SSTR4: variants seen among roughly 807,000 people sequenced by gnomAD.
The protein encoded by SSTR4 is somatostatin receptor 4.
For missense variants in SSTR4, 649 were observed against 540.6 expected, an observed-to-expected ratio of 1.20 and a Z score of -1.99; for synonymous variants, 272 against 246.3, an observed-to-expected ratio of 1.10 and a Z score of -0.98.
In SSTR4 at chr20:23,036,356, C is replaced by T. The variant is rs199944012; in HGVS notation, c.873C>T (p.Thr291=). 4 of 1,614,116 alleles carry T rather than the reference C, an allele frequency of 2.5e-6. No individual in the cohort carries two copies. Among genetic ancestry groups the T allele is most frequent in the African/African-American group, 2.7e-5 (2 of 75,032 alleles). ...LNLFVTSLDA[T]VNHVSLILSY... is the part of the protein sequence containing the mutation. ...TCTTCGTGACCAGCCTTGATGCCACCGTCAACCACGTGTCCCTTATCCTTA... is the reference window on the plus strand; with the variant it reads ...TCTTCGTGACCAGCCTTGATGCCACTGTCAACCACGTGTCCCTTATCCTTA... Residue 291 remains threonine, a synonymous_variant, in exon 1 of 1, where the codon ACC becomes ACT. Coordinates refer to ENST00000255008, the MANE Select transcript of SSTR4 (RefSeq NM_001052.4).
Position 23,036,474 on chromosome 20 carries a change from T to C in SSTR4, c.991T>C (p.Cys331Arg). The change falls in exon 1 of 1, where the codon TGC (cysteine) becomes CGC (arginine). Residue 331 changes from cysteine to arginine, a missense_variant. Coordinates refer to ENST00000255008, the MANE Select transcript of SSTR4 (RefSeq NM_001052.4). ...CCAGCGGGTTCTCTGCCTGCGCTGC[T>C]GCCTCCTGGAAGGTGCTGGAGGTGC... ...FFQRVLCLRC[C>R]LLEGAGGAEE... 6.2e-7 allele frequency: 1 copy of C among 1,613,880 alleles called. No individual in the cohort carries two copies. Among genetic ancestry groups the C allele is most frequent in the Non-Finnish European group, 8.5e-7 (1 of 1,179,870 alleles).
At position 23,036,782 on chromosome 20, in the gene SSTR4, C is replaced by A; in HGVS notation, c.*132C>A. Reference sequence around the variant, plus strand: ...CTGTTCCTTCCAGCAGCCCATGTACCTGCCGGAGAGTGTCAGAACTCTTCT... The same window carrying A: ...CTGTTCCTTCCAGCAGCCCATGTACATGCCGGAGAGTGTCAGAACTCTTCT... On this transcript the variant is annotated 3_prime_UTR_variant, in exon 1 of 1. Coordinates refer to ENST00000255008, the MANE Select transcript of SSTR4 (RefSeq NM_001052.4). 9.5e-7 allele frequency: 1 copy of A among 1,054,138 alleles called. No homozygotes were observed. Among genetic ancestry groups the A allele is most frequent in the South Asian group, 1.7e-5 (1 of 58,976 alleles). The allele number at this position is 1,054,138 out of a possible 1,614,324, so 65.3% of individuals were successfully genotyped here.
chr20:23,035,620 G>A lies in SSTR4; in HGVS notation c.137G>A (p.Gly46Asp). 6.5e-7 allele frequency: 1 copy of A among 1,545,196 alleles called. No individual in the cohort carries two copies. Reference sequence around the variant, plus strand: ...GGGCCCGGGGACGCGCGGGCGGCGGGCATGGTCGCTATCCAGTGCATCTAC... The same window carrying A: ...GGGCCCGGGGACGCGCGGGCGGCGGACATGGTCGCTATCCAGTGCATCTAC... ...VAGPGDARAA[G>D]MVAIQCIYAL... The change falls in exon 1 of 1, where the codon GGC becomes GAC. Residue 46 changes from glycine to aspartate, a missense_variant. By Grantham distance (94) the Gly-to-Asp change is moderately conservative. Transcript: ENST00000255008.
At position 23,036,771 on chromosome 20, in the gene SSTR4, A is replaced by G. The variant is rs1451609413; in HGVS notation, c.*121A>G. On this transcript the variant is annotated 3_prime_UTR_variant, in exon 1 of 1. Transcript: ENST00000255008. Reference sequence around the variant, plus strand: ...AGCTCCACCACCTGTTCCTTCCAGCAGCCCATGTACCTGCCGGAGAGTGTC... The same window carrying G: ...AGCTCCACCACCTGTTCCTTCCAGCGGCCCATGTACCTGCCGGAGAGTGTC... 8.6e-7 allele frequency: 1 copy of G among 1,161,858 alleles called. No homozygotes were observed. The highest frequency in any genetic ancestry group is 1.2e-6 in the Non-Finnish European group (1 of 826,900). The allele number at this position is 1,161,858 out of a possible 1,614,324, so 72.0% of individuals were successfully genotyped here. A position where few individuals can be genotyped will look rare whatever the true frequency, so the allele number is the denominator to read the frequency against.
Position 23,035,643 on chromosome 20 carries a change from T to C in SSTR4, c.160T>C (p.Tyr54His). 6.5e-7 allele frequency: 1 copy of C among 1,540,754 alleles called. No homozygotes were observed. The highest frequency in any genetic ancestry group is 8.7e-7 in the Non-Finnish European group (1 of 1,146,094). ...GGGCATGGTCGCTATCCAGTGCATC[T>C]ACGCGCTGGTGTGCCTGGTGGGGCT... Reference protein sequence around the residue: ...AAGMVAIQCIYALVCLVGLVG... With the variant: ...AAGMVAIQCIHALVCLVGLVG... The change falls in exon 1 of 1, where the codon TAC becomes CAC. Residue 54 changes from tyrosine to histidine, a missense_variant. Tyr to His is a moderately conservative substitution (Grantham distance 83). Coordinates refer to ENST00000255008, the MANE Select transcript of SSTR4 (RefSeq NM_001052.4).
rs1464108699 is a variant in SSTR4 at position 23,036,387 on chromosome 20, G to T, written c.904G>T (p.Ala302Ser). ...VNHVSLILSY[A>S]NSCANPILYG... is the part of the protein sequence containing the mutation. ...CCACGTGTCCCTTATCCTTAGCTAT[G>T]CCAACAGCTGCGCCAACCCCATTCT... is the stretch of plus-strand genomic sequence containing the variant. Residue 302 changes from alanine (A) to serine (S), a missense_variant, in exon 1 of 1, where the codon GCC (alanine) becomes TCC (serine). By Grantham distance (99) the Ala-to-Ser change is moderately conservative. Coordinates refer to ENST00000255008, the MANE Select transcript of SSTR4 (RefSeq NM_001052.4). 3.1e-6 allele frequency: 5 copies of T among 1,613,988 alleles called. No individual in the cohort carries two copies. The highest frequency in any genetic ancestry group is 4.2e-6 in the Non-Finnish European group (5 of 1,179,984).
Position 23,035,510 on chromosome 20 carries a change from C to T in SSTR4, c.27C>T (p.Pro9=). The change falls in exon 1 of 1, where the codon CCC becomes CCT. Residue 9 remains proline, a synonymous_variant. Transcript: ENST00000255008. ...TGAGCGCCCCCTCGACGCTGCCCCC[C>T]GGGGGCGAGGAAGGGCTGGGGACGG... The part of the protein sequence containing the change: MSAPSTLP[P]GGEEGLGTAW... The T allele has an allele frequency of 6.4e-7, 1 of 1,565,828 alleles. No individual in the cohort carries two copies. The highest frequency in any genetic ancestry group is 8.6e-7 in the Non-Finnish European group (1 of 1,161,752).
rs946520022 is a variant in SSTR4 at position 23,035,374 on chromosome 20, G to C, written c.-110G>C. The C allele has an allele frequency of 1.2e-5, 10 of 854,394 alleles. No individual in the cohort carries two copies. The African/African-American group carries it at 1.6e-4, about 14-fold the overall frequency. The allele number at this position is 854,394 out of a possible 1,614,324, so 52.9% of individuals were successfully genotyped here. On this transcript the variant is annotated 5_prime_UTR_variant, in exon 1 of 1. Coordinates refer to ENST00000255008, the MANE Select transcript of SSTR4 (RefSeq NM_001052.4). ...GCCCGCAGCTCTTCAGCGTAGCCGG[G>C]AAGAGCCGCGCGTCTGCGCGCCAGC...
Position 23,036,895 on chromosome 20 carries a change from T to G in SSTR4, c.*245T>G. 1 of 470,902 alleles carries G rather than the reference T, an allele frequency of 2.1e-6. No individual in the cohort carries two copies. The highest frequency in any genetic ancestry group is 5.8e-5 in the South Asian group (1 of 17,326). 29.2% of individuals were successfully genotyped at this position (470,902 alleles called of 1,614,324 possible). ...TCTGGAAACTGGGCTAGGATATTAA[T>G]CATTCCTGAACCTCTGGCTGTTCTT... On this transcript the variant is annotated 3_prime_UTR_variant, in exon 1 of 1. Coordinates refer to ENST00000255008, the MANE Select transcript of SSTR4 (RefSeq NM_001052.4).
Position 23,035,362 on chromosome 20 carries a change from C to A in SSTR4, c.-122C>A, listed in dbSNP as rs1984267279. 1 of 790,850 alleles carries A rather than the reference C, an allele frequency of 1.3e-6. No individual in the cohort carries two copies. Among genetic ancestry groups the A allele is most frequent in the Non-Finnish European group, 1.7e-6 (1 of 593,746 alleles). 49.0% of individuals were successfully genotyped at this position (790,850 alleles called of 1,614,324 possible). A position where few individuals can be genotyped will look rare whatever the true frequency, so the allele number is the denominator to read the frequency against. ...GCGCTCCCCGGTGCCCGCAGCTCTT[C>A]AGCGTAGCCGGGAAGAGCCGCGCGT... On this transcript the variant is annotated 5_prime_UTR_variant, in exon 1 of 1. Coordinates refer to ENST00000255008, the MANE Select transcript of SSTR4 (RefSeq NM_001052.4).
In SSTR4 at chr20:23,036,382, G is replaced by C. The variant is rs1309115761; in HGVS notation, c.899G>C (p.Ser300Thr). 6.2e-7 allele frequency: 1 copy of C among 1,614,090 alleles called. No homozygotes were observed. The highest frequency in any genetic ancestry group is 8.5e-7 in the Non-Finnish European group (1 of 1,179,992). ...ATVNHVSLIL[S>T]YANSCANPIL... ...GTCAACCACGTGTCCCTTATCCTTA[G>C]CTATGCCAACAGCTGCGCCAACCCC... Residue 300 changes from serine (S) to threonine (T), a missense_variant, in exon 1 of 1, where the codon AGC becomes ACC. Physicochemically the swap from Ser to Thr is moderately conservative, Grantham distance 58. Coordinates refer to ENST00000255008, the MANE Select transcript of SSTR4 (RefSeq NM_001052.4).
Position 23,036,344 on chromosome 20 carries a change from C to T in SSTR4, c.861C>T (p.Ser287=). 1.9e-6 allele frequency: 3 copies of T among 1,614,128 alleles called. No homozygotes were observed. The South Asian group carries it at 3.3e-5, about 18-fold the overall frequency. Residue 287 remains serine, a synonymous_variant, in exon 1 of 1, where the codon AGC becomes AGT. Coordinates refer to ENST00000255008, the MANE Select transcript of SSTR4 (RefSeq NM_001052.4). ...AGCTGCTGAACCTCTTCGTGACCAGCCTTGATGCCACCGTCAACCACGTGT... is the reference window on the plus strand; with the variant it reads ...AGCTGCTGAACCTCTTCGTGACCAGTCTTGATGCCACCGTCAACCACGTGT... ...VVQLLNLFVT[S]LDATVNHVSL...
In SSTR4 at chr20:23,035,940, C is replaced by T. The variant is rs1287108339; in HGVS notation, c.457C>T (p.Arg153Cys). ...DRYVAVVHPLRAATYRRPSVA... is the reference protein window; with the variant it reads ...DRYVAVVHPLCAATYRRPSVA... Reference sequence around the variant, plus strand: ...CTACGTGGCCGTGGTGCACCCTCTGCGCGCGGCGACCTACCGGCGGCCCAG... The same window carrying T: ...CTACGTGGCCGTGGTGCACCCTCTGTGCGCGGCGACCTACCGGCGGCCCAG... The change falls in exon 1 of 1, where the codon CGC (arginine) becomes TGC (cysteine). Residue 153 changes from arginine to cysteine, a missense_variant. By Grantham distance (180) the Arg-to-Cys change is radical. Transcript: ENST00000255008. The T allele has an allele frequency of 1.9e-6, 3 of 1,611,172 alleles. No homozygotes were observed. Among genetic ancestry groups the T allele is most frequent in the African/African-American group, 1.3e-5 (1 of 74,874 alleles).
At position 23,036,045 on chromosome 20, in the gene SSTR4, A is replaced by T; in HGVS notation, c.562A>T (p.Arg188Ter). 1 of 1,586,146 alleles carries T rather than the reference A, an allele frequency of 6.3e-7. No homozygotes were observed. The highest frequency in any genetic ancestry group is 1.1e-5 in the South Asian group (1 of 87,726). Residue 188 changes from arginine to a stop codon, truncating the protein, a stop_gained, in exon 1 of 1, where the codon AGA (arginine) becomes TGA (stop). Transcript: ENST00000255008. LOFTEE classifies it low-confidence loss of function (END_TRUNC). ...CCCCATCGCCATCTTCGCAGACACC[A>T]GACCGGCTCGCGGCGGCCAGGCCGT... The part of the protein sequence containing the change: ...TLPIAIFADT[R>*]PARGGQAVAC...
In SSTR4 at chr20:23,035,562, A is replaced by G. The variant is rs979252859; in HGVS notation, c.79A>G (p.Ser27Gly). Residue 27 changes from serine (S) to glycine (G), a missense_variant, in exon 1 of 1, where the codon AGC (serine) becomes GGC (glycine). Ser to Gly is a moderately conservative substitution (Grantham distance 56, BLOSUM62 0). Coordinates refer to ENST00000255008, the MANE Select transcript of SSTR4 (RefSeq NM_001052.4). ...CTGGCCCTCTGCAGCCAATGCCAGT[A>G]GCGCTCCGGCGGAGGCGGAGGAGGC... ...TAWPSAANAS[S>G]APAEAEEAVA... 16 of 1,590,752 alleles carry G rather than the reference A, an allele frequency of 1.0e-5. No homozygotes were observed. Among genetic ancestry groups the G allele is most frequent in the African/African-American group, 5.5e-5 (4 of 73,050 alleles).
In SSTR4 at chr20:23,039,125, A is replaced by G. The variant is rs1984405772; in HGVS notation, c.*2475A>G. On this transcript the variant is annotated 3_prime_UTR_variant, in exon 1 of 1. Transcript: ENST00000255008. The stretch of plus-strand genomic sequence containing the variant: ...AGCCAGGATCCTGAAAGCCACCAAC[A>G]TATGTCACCTGCCTGGGAGGCTTGC... The G allele has an allele frequency of 6.6e-6, 1 of 152,182 alleles. No individual in the cohort carries two copies. 9.4% of individuals were successfully genotyped at this position (152,182 alleles called of 1,614,324 possible).
At position 23,038,620 on chromosome 20, in the gene SSTR4, G is replaced by A. The variant is rs1045533648; in HGVS notation, c.*1970G>A. ...CTCAGCCTCAGCTACCCCGTGAGCA[G>A]TGATTTAACCTCTCTAAGCCTCAGT... is the stretch of plus-strand genomic sequence containing the variant. On this transcript the variant is annotated 3_prime_UTR_variant, in exon 1 of 1. Coordinates refer to ENST00000255008, the MANE Select transcript of SSTR4 (RefSeq NM_001052.4). Among the ~76,000 whole-genome samples the A allele has an allele frequency of 3.9e-5, 6 of 152,254 alleles. No homozygotes were observed. The highest frequency in any genetic ancestry group is 1.4e-4 in the African/African-American group (6 of 41,470).
chr20:23,035,916 T>A lies in SSTR4; in HGVS notation c.433T>A (p.Tyr145Asn), dbSNP rs758749364. The A allele has an allele frequency of 2.5e-6, 4 of 1,613,006 alleles. No homozygotes were observed. The highest frequency in any genetic ancestry group is 3.4e-6 in the Non-Finnish European group (4 of 1,179,648). Reference protein sequence around the residue: ...FCLTVLSVDRYVAVVHPLRAA... With the variant: ...FCLTVLSVDRNVAVVHPLRAA... ...TCTCACCGTGCTCAGCGTGGACCGC[T>A]ACGTGGCCGTGGTGCACCCTCTGCG... The change falls in exon 1 of 1, where the codon TAC becomes AAC. Residue 145 changes from tyrosine to asparagine, a missense_variant. Tyr to Asn is a moderately radical substitution (Grantham distance 143). Transcript: ENST00000255008.
rs1984268548 is a variant in SSTR4 at position 23,035,384 on chromosome 20, G to A, written c.-100G>A. 8 of 902,842 alleles carry A rather than the reference G, an allele frequency of 8.9e-6. No homozygotes were observed. The highest frequency in any genetic ancestry group is 5.6e-5 in the South Asian group (1 of 17,920). The allele number at this position is 902,842 out of a possible 1,614,324, so 55.9% of individuals were successfully genotyped here. ...CTTCAGCGTAGCCGGGAAGAGCCGC[G>A]CGTCTGCGCGCCAGCCCCCGCCCTG... On this transcript the variant is annotated 5_prime_UTR_variant, in exon 1 of 1. Transcript: ENST00000255008.
Sources: allele counts gnomAD v4.1 joint callset (sites outside exome capture counted in the v4.1 genomes callset), GRCh38; gene constraint gnomAD v4.1.1; transcripts MANE v1.5; gene names NCBI Gene and HGNC (gene_info 2026-07-23, HGNC 2026-07-21).